TFDP2: variants seen among roughly 807,000 people sequenced by gnomAD.
The protein encoded by TFDP2 is transcription factor Dp-2.
In TFDP2, 17 loss-of-function variants were observed where a neutral mutation model predicts 59.3. The observed-to-expected ratio is 0.29, with a 90% CI of 0.20 to 0.43. TFDP2 has a LOEUF of 0.43. Ranked by LOEUF, TFDP2 falls within the 20% of genes least tolerant of loss-of-function variation. The pLI is 1.00. For synonymous variants in TFDP2, 180 were observed against 194.7 expected (o/e 0.92, Z 0.63); for missense variants, 391 against 528.8 (o/e 0.74, Z 2.56).
At chr3:142,078,298 T>G (rs2060532299) in intron 3 of TFDP2, among the ~76,000 whole-genome samples, 1 of 152,166 alleles carries the variant, frequency 6.6e-6, no homozygotes, top group Non-Finnish European at 1.5e-5. Flanking sequence ...CTTCATCACC[T>G]GCTGATTGTA....
At chr3:142,013,861 T>G (rs1159232471) in intron 3 of TFDP2, among the ~76,000 whole-genome samples, 1 of 151,906 alleles carries the variant, frequency 6.6e-6, no homozygotes, top group African/African-American at 2.4e-5. Context: ...AATATCCAGT[T>G]ACATAATTGT....
chr3:142,089,292 G>GA (rs568955142), intron 3 of TFDP2, among the ~76,000 whole-genome samples: 18 of 144,440 alleles, frequency 1.2e-4, no homozygotes, highest in South Asian at 4.3e-4. Flanking sequence ...TGCAACGTCT[G>GA]AAAAAAAAAA....
At chr3:142,081,938 C>T (rs1460513296) in intron 3 of TFDP2, among the ~76,000 whole-genome samples, 1 of 152,140 alleles carries the variant, frequency 6.6e-6, no homozygotes, top group Admixed American at 6.5e-5. Flanking sequence ...CAAACTATTC[C>T]AAAAAGTACA....
intron 1 of TFDP2, among the ~76,000 whole-genome samples, chr3:142,116,064 C>CTTTTTTTTTTTTTTTT (rs200540799): frequency 6.9e-6 from 1 of 144,670 alleles, no homozygotes. Context: ...CATTTTGCAA[C>CTTTTTTTTTTTTTTTT]TTTTTTTTTT....
At chr3:141,955,895 C>T (rs1936555445) in intron 11 of TFDP2, among the ~76,000 whole-genome samples, 1 of 152,164 alleles carries the variant, frequency 6.6e-6, no homozygotes, top group South Asian at 2.1e-4. Flanking sequence ...GCAACCTCTG[C>T]CTCCCAGGTT....
chr3:141,975,862 T>A (rs1940561828), intron 7 of TFDP2, among the ~76,000 whole-genome samples: 1 of 152,072 alleles, frequency 6.6e-6, no homozygotes, highest in Non-Finnish European at 1.5e-5. Context: ...TTCAGCACAA[T>A]CTATTTATTT....
chr3:142,034,559 C>A (rs1946594755), intron 3 of TFDP2, among the ~76,000 whole-genome samples: 1 of 152,170 alleles, frequency 6.6e-6, no homozygotes, highest in South Asian at 2.1e-4. Flanking sequence ...TGGCTTCTAT[C>A]CAACTGCTCA....
chr3:142,128,553 C>G (rs888025272), intron 1 of TFDP2, among the ~76,000 whole-genome samples: 1 of 152,014 alleles, frequency 6.6e-6, no homozygotes, highest in South Asian at 2.1e-4. Flanking sequence ...TTAATCTGAA[C>G]AGATGGCCAA....
chr3:142,083,919 GA>G (rs909457789), intron 3 of TFDP2, among the ~76,000 whole-genome samples: 29 of 152,120 alleles, frequency 1.9e-4, no homozygotes, highest in African/African-American at 7.0e-4. Context: ...AAACCTTGGG[GA>G]AAATCTCCAG....
chr3:142,011,307 G>A, intron 3 of TFDP2, among the ~76,000 whole-genome samples: 1 of 121,300 alleles, frequency 8.2e-6, no homozygotes. Context: ...GGATGAAATT[G>A]GAAATCATCA....
intron 2 of TFDP2, among the ~76,000 whole-genome samples, chr3:142,101,015 T>C (rs1367334626): frequency 2.0e-5 from 3 of 152,120 alleles, no homozygotes; most frequent in Non-Finnish European, 1.5e-5. Flanking sequence ...GATTCCTACA[T>C]AATAATATAG....
At chr3:142,040,450 G>A (rs192656953) in intron 3 of TFDP2, among the ~76,000 whole-genome samples, 8 of 150,456 alleles carry the variant, frequency 5.3e-5, no homozygotes, top group African/African-American at 9.8e-5. Flanking sequence ...TTTTTGAGAC[G>A]GAGTCTCGCT....
At chr3:141,990,828 C>T (rs528595093) in intron 6 of TFDP2, among the ~76,000 whole-genome samples, 5 of 152,146 alleles carry the variant, frequency 3.3e-5, no homozygotes, top group South Asian at 2.1e-4. Flanking sequence ...GAGGCTGAGG[C>T]GGGCAGATTG....
At chr3:142,107,843 T>C (rs1434030086) in intron 1 of TFDP2, among the ~76,000 whole-genome samples, 1 of 152,108 alleles carries the variant, frequency 6.6e-6, no homozygotes, top group Non-Finnish European at 1.5e-5. Context: ...AAATATATTC[T>C]CAAGATATTA....
intron 3 of TFDP2, among the ~76,000 whole-genome samples, chr3:142,090,386 G>A (rs1003221728): frequency 6.6e-6 from 1 of 152,086 alleles, no homozygotes; most frequent in African/African-American, 2.4e-5. Context: ...AACAAACTGA[G>A]GTTTTACTCT....
In TFDP2 at chr3:142,105,086, C is replaced by T. The variant is rs140970044; in HGVS notation, c.-92-3245G>A. 2.7e-3 allele frequency among the ~76,000 whole-genome samples: 409 copies of T among 152,252 alleles called. 2 individuals are homozygous for T. Among genetic ancestry groups the T allele is most frequent in the African/African-American group, 9.5e-3 (395 of 41,538 alleles). On this transcript the variant is annotated intron_variant, in intron 1 of 12. Coordinates refer to ENST00000489671, the MANE Select transcript of TFDP2 (RefSeq NM_001178139.2). ...TTATGTTAAGAGTTTATACGCCCTC[C>T]AGTTTATACATATTCTGAACACTCC...
chr3:142,094,937 T>C (rs2061114681), intron 2 of TFDP2, among the ~76,000 whole-genome samples: 1 of 152,248 alleles, frequency 6.6e-6, no homozygotes. Flanking sequence ...CACAAAGCTT[T>C]ATAACTTTAT....
At chr3:141,994,843 G>T (rs1018275275) in intron 5 of TFDP2, 177 bp downstream of exon 5, 11 of 500,658 alleles carry the variant, frequency 2.2e-5, no homozygotes, top group Admixed American at 4.0e-5. Context: ...TTTAAAAATA[G>T]TTATTCCAGA....
At chr3:142,041,727 G>A (rs986805624) in intron 3 of TFDP2, among the ~76,000 whole-genome samples, 3 of 152,300 alleles carry the variant, frequency 2.0e-5, no homozygotes, top group East Asian at 3.9e-4. Context: ...TTTTGGCGTT[G>A]TATCTAAAAA....
Sources: allele counts gnomAD v4.1 joint callset (sites outside exome capture counted in the v4.1 genomes callset), GRCh38; gene constraint gnomAD v4.1.1; transcripts MANE v1.5; gene names NCBI Gene and HGNC (gene_info 2026-07-23, HGNC 2026-07-21).